The following EGFLAM variants were observed in gnomAD, a reference collection of about 807,000 sequenced individuals.
The protein encoded by EGFLAM is EGF like, fibronectin type III and laminin G domains, also known as pikachurin.
Under a neutral mutation model 113.1 loss-of-function variants are expected in EGFLAM, and 79 were observed. The ratio of observed to expected loss-of-function variants is 0.70; its 90% CI spans 0.58 to 0.84. The LOEUF (loss-of-function observed/expected upper bound fraction) is 0.84, where lower values mean the gene tolerates loss of function less well. Among genes scored for constraint, EGFLAM ranks in the 40% least tolerant of loss-of-function variants. EGFLAM has a pLI of 0.00. For synonymous variants in EGFLAM, 504 were observed against 487.6 expected (o/e 1.03, Z -0.44); for missense variants, 1,265 against 1,291.6 (o/e 0.98, Z 0.32).
In EGFLAM at chr5:38,336,714, A is replaced by G. The variant is rs535997534; in HGVS notation, c.98-806A>G. Among the ~76,000 whole-genome samples, 5 of 152,270 alleles carry G rather than the reference A, an allele frequency of 3.3e-5. No homozygotes were observed. In the East Asian group the frequency reaches 9.6e-4, roughly 29 times the overall value. Reference sequence around the variant, plus strand: ...TGACGCTCAAGGGAACTGCCCATTGAAGCATTTTGGATTTGAGATGCTCAA... The same window carrying G: ...TGACGCTCAAGGGAACTGCCCATTGGAGCATTTTGGATTTGAGATGCTCAA... On this transcript the variant is annotated intron_variant, in intron 1 of 21. Coordinates refer to ENST00000322350, the MANE Select transcript of EGFLAM (RefSeq NM_152403.4).
At chr5:38,304,638 C>T (rs1395203950) in intron 1 of EGFLAM, among the ~76,000 whole-genome samples, 1 of 152,054 alleles carries the variant, frequency 6.6e-6, no homozygotes, top group African/African-American at 2.4e-5. Context: ...GTCAAGAATC[C>T]CCACTCACAC....
chr5:38,384,351 G>C lies in EGFLAM; in HGVS notation c.712+13889G>C, dbSNP rs367699265. Among the ~76,000 whole-genome samples the C allele has an allele frequency of 2.1e-3, 315 of 152,196 alleles. 2 individuals carry two copies. The highest frequency in any genetic ancestry group is 2.9e-3 in the Non-Finnish European group (200 of 68,010). ...GGACTCTCTAGCCAGTGATCCTTGC[G>C]CTTCCTGTCCTCTTCTCTGTTGCAG... On this transcript the variant is annotated intron_variant, in intron 6 of 21. Coordinates refer to ENST00000322350, the MANE Select transcript of EGFLAM (RefSeq NM_152403.4).
chr5:38,314,889 G>A (rs1194907868), intron 1 of EGFLAM, among the ~76,000 whole-genome samples: 1 of 152,192 alleles, frequency 6.6e-6, no homozygotes, highest in African/African-American at 2.4e-5. Context: ...ATTAGCATGG[G>A]CCCCACAGTG....
chr5:38,278,983 T>C (rs757585957), intron 1 of EGFLAM, among the ~76,000 whole-genome samples: 77 of 152,020 alleles, frequency 5.1e-4, no homozygotes, highest in Admixed American at 9.2e-4. Context: ...GGGGCTAATA[T>C]CCAAAATATA....
At chr5:38,352,527 G>A (rs1357758046) in intron 5 of EGFLAM, among the ~76,000 whole-genome samples, 196 bp downstream of exon 5, 26 of 151,902 alleles carry the variant, frequency 1.7e-4, no homozygotes, top group Admixed American at 1.7e-3. Flanking sequence ...CGTGCCTGTA[G>A]TCTCAGCTAC....
chr5:38,435,457 C>A (rs1212905535), intron 16 of EGFLAM, among the ~76,000 whole-genome samples: 3 of 152,224 alleles, frequency 2.0e-5, no homozygotes, highest in African/African-American at 7.2e-5. Flanking sequence ...CTATGCCCGG[C>A]AGACATTCCA....
At chr5:38,280,272 G>T (rs1440856007) in intron 1 of EGFLAM, among the ~76,000 whole-genome samples, 1 of 152,224 alleles carries the variant, frequency 6.6e-6, no homozygotes, top group Non-Finnish European at 1.5e-5. Context: ...TTTCCGGCAT[G>T]TTCTGCCGTG....
At chr5:38,411,249 G>A (rs185765214) in intron 10 of EGFLAM, among the ~76,000 whole-genome samples, 2,609 of 152,074 alleles carry the variant, frequency 0.017, 31 homozygotes, top group Non-Finnish European at 0.027. Context: ...CCAACATGGC[G>A]AAACCACGTC....
chr5:38,302,632 A>T (rs1391195511), intron 1 of EGFLAM, among the ~76,000 whole-genome samples: 1 of 151,966 alleles, frequency 6.6e-6, no homozygotes, highest in African/African-American at 2.4e-5. Context: ...AACAGTTCAG[A>T]AGCACTTCCG....
chr5:38,300,993 G>C (rs1758562418), intron 1 of EGFLAM, among the ~76,000 whole-genome samples: 1 of 152,172 alleles, frequency 6.6e-6, no homozygotes, highest in Admixed American at 6.5e-5. Context: ...ACTGAGTGAA[G>C]CAGATTTGGT....
chr5:38,281,728 TC>T (rs1300147947), intron 1 of EGFLAM, among the ~76,000 whole-genome samples: 2 of 152,172 alleles, frequency 1.3e-5, no homozygotes, highest in Admixed American at 1.3e-4. Context: ...AAATTAACCT[TC>T]CACATGATTT....
chr5:38,337,569 G>A lies in EGFLAM; in HGVS notation c.147G>A (p.Thr49=), dbSNP rs751509580. 1.4e-5 allele frequency: 23 copies of A among 1,607,322 alleles called. No individual in the cohort carries two copies. The highest frequency in any genetic ancestry group is 3.4e-5 in the Admixed American group (2 of 59,500). ...LDIKLGALNC[T]AFSIQWKMPR... ...TCAAGCTGGGCGCATTGAACTGTAC[G>A]GCTTTCAGCATCCAGTGGAAAATGC... The change falls in exon 2 of 22, where the codon ACG becomes ACA. Residue 49 remains threonine (T), a synonymous_variant. Transcript: ENST00000322350.
At chr5:38,461,007 G>A (rs1469091017) in intron 20 of EGFLAM, 2 of 152,160 alleles carry the variant, frequency 1.3e-5, no homozygotes, top group African/African-American at 2.4e-5. Context: ...AGCAACTTAG[G>A]TTTTATAATC....
chr5:38,352,139 C>G (rs563050966), intron 4 of EGFLAM, 57 bp from the exon 5 acceptor site: 59 of 1,609,900 alleles, frequency 3.7e-5, no homozygotes, highest in Non-Finnish European at 4.9e-5. Flanking sequence ...GCCCATTAAA[C>G]CTCTCCAACG....
intron 6 of EGFLAM, among the ~76,000 whole-genome samples, chr5:38,371,575 TTATATAGGGAGGC>T (rs1025841831): frequency 1.9e-4 from 29 of 151,884 alleles, no homozygotes; most frequent in African/African-American, 6.3e-4. Context: ...AATTGTTGGG[TTATATAGGGAGGC>T]TATACTCCAA....
At chr5:38,319,704 T>A (rs767099039) in intron 1 of EGFLAM, among the ~76,000 whole-genome samples, 11 of 152,114 alleles carry the variant, frequency 7.2e-5, no homozygotes, top group Non-Finnish European at 1.6e-4. Flanking sequence ...ATTTGGGGTG[T>A]TTGTTAGCCA....
intron 1 of EGFLAM, 138 bp from the exon 2 acceptor site, chr5:38,337,382 C>G: frequency 1.2e-6 from 1 of 815,316 alleles, no homozygotes; most frequent in Non-Finnish European, 1.9e-6. Context: ...TGTGGTGTAT[C>G]AGAAATTGAC....
chr5:38,403,844 G>A, intron 6 of EGFLAM: 1 of 1,613,778 alleles, frequency 6.2e-7, no homozygotes, highest in South Asian at 1.1e-5. Flanking sequence ...AAGACATCTG[G>A]CACACAGATA....
In EGFLAM at chr5:38,435,164, A is replaced by C. The variant is rs201011365; in HGVS notation, c.2194A>C (p.Thr732Pro). The C allele has an allele frequency of 3.2e-5, 52 of 1,614,098 alleles. No homozygotes were observed. Among genetic ancestry groups the C allele is most frequent in the Non-Finnish European group, 3.9e-5 (46 of 1,180,048 alleles). Residue 732 changes from threonine to proline, a missense_variant, in exon 16 of 22, where the codon ACA becomes CCA. By Grantham distance (38) the Thr-to-Pro change is conservative. Transcript: ENST00000322350. Reference protein sequence around the residue: ...EGGFTQIKCNTDIFIGGVPNY... With the variant: ...EGGFTQIKCNPDIFIGGVPNY... The stretch of plus-strand genomic sequence containing the variant: ...AGGCTTCACACAGATTAAGTGCAAC[A>C]CAGACATTTTCATTGGCGGAGTCCC...
Sources: gnomAD v4.1 joint callset for allele counts (sites outside exome capture counted in the v4.1 genomes callset) on GRCh38, gnomAD v4.1.1 for gene constraint, MANE v1.5 for transcripts, NCBI Gene and HGNC (gene_info 2026-07-23, HGNC 2026-07-21) for gene names.